The following ZBTB17 variants were observed in gnomAD, a reference collection of about 807,000 sequenced individuals.
ZBTB17 encodes the protein zinc finger and BTB domain-containing protein 17.
ZBTB17 carries 24 observed loss-of-function variants against 85.1 expected under a neutral mutation model. The ratio of observed to expected loss-of-function variants is 0.28; its 90% CI spans 0.20 to 0.40. The LOEUF is 0.40. ZBTB17 is among the 10% of genes least tolerant of loss of function. The probability of loss-of-function intolerance (pLI) is 1.00; values close to 1 mark genes in which losing one functional copy is unlikely to be tolerated. For synonymous variants in ZBTB17, 464 were observed against 460.2 expected (o/e 1.01, Z -0.11); for missense variants, 743 against 1,105.1 (o/e 0.67, Z 4.65).
chr1:15,946,095 G>T (rs981274393), intron 5 of ZBTB17, 59 bp downstream of exon 5: 17 of 1,599,630 alleles, frequency 1.1e-5, no homozygotes, highest in Non-Finnish European at 1.4e-5. Flanking sequence ...TCACTACCCT[G>T]TGCCCAGGCT....
chr1:15,975,956 C>T lies in ZBTB17; in HGVS notation c.-90+27G>A, dbSNP rs1265325806. On this transcript the variant is annotated intron_variant, in intron 1 of 15. Coordinates refer to ENST00000375743, the MANE Select transcript of ZBTB17 (RefSeq NM_003443.3). ...TCCGCCCCGGCTCCCGGGACTTCCC[C>T]GGCCCCGGGCGATTGTTGACACTCA... 21 of 699,174 alleles carry T rather than the reference C, an allele frequency of 3.0e-5. No homozygotes were observed. In the Admixed American group the frequency reaches 3.4e-4, roughly 11 times the overall value. The allele number at this position is 699,174 out of a possible 1,614,324, so 43.3% of individuals were successfully genotyped here. A position where few individuals can be genotyped will look rare whatever the true frequency, so the allele number is the denominator to read the frequency against.
chr1:15,953,656 C>G lies in ZBTB17; in HGVS notation c.-2-5159G>C, dbSNP rs991189355. 2.0e-5 allele frequency among the ~76,000 whole-genome samples: 3 copies of G among 152,238 alleles called. No individual in the cohort carries two copies. Among genetic ancestry groups the G allele is most frequent in the Non-Finnish European group, 4.4e-5 (3 of 68,048 alleles). ...GTTCCATACTGCTGCCTCCACGACG[C>G]AGGGATTCCAGTGGCGGCTGAGCCC... On this transcript the variant is annotated intron_variant, in intron 2 of 15. Coordinates refer to ENST00000375743, the MANE Select transcript of ZBTB17 (RefSeq NM_003443.3). The surrounding 1 kb of genome is among the most constrained non-coding windows in gnomAD (Gnocchi z 5.1).
rs770054368 is a variant in ZBTB17, at chr1:15,944,546, G to A, written c.1125C>T (p.Ser375=). 6 of 1,596,710 alleles carry A rather than the reference G, an allele frequency of 3.8e-6. No homozygotes were observed. In the East Asian group the frequency reaches 9.0e-5, roughly 24 times the overall value. ...GCCGCTTCTTGTGCAGGTTCAGCAG[G>A]CTGATGAGGCGGTAGCTCTTCCCGC... ...EECGKSYRLI[S]LLNLHKKRHS... Residue 375 remains serine, a synonymous_variant, in exon 9 of 16, where the codon AGC becomes AGT. Transcript: ENST00000375743.
chr1:15,975,291 A>G (rs1557803294), intron 1 of ZBTB17, among the ~76,000 whole-genome samples: 1 of 152,190 alleles, frequency 6.6e-6, no homozygotes, highest in Middle Eastern at 3.2e-3. Flanking sequence ...ATCTCTGCTT[A>G]AAGGATGAAT....
chr1:15,963,758 A>G (rs1370657641), intron 2 of ZBTB17, among the ~76,000 whole-genome samples: 1 of 152,186 alleles, frequency 6.6e-6, no homozygotes, highest in African/African-American at 2.4e-5. Flanking sequence ...CAATGAAAGT[A>G]GTATATATAT....
rs1287924265 is a variant in ZBTB17, at chr1:15,945,028, T to G, written c.836A>C (p.Glu279Ala). 3.4e-5 allele frequency: 54 copies of G among 1,606,184 alleles called. No homozygotes were observed. The highest frequency in any genetic ancestry group is 4.6e-5 in the Non-Finnish European group (54 of 1,177,614). ...EESAGTDSGQ[E>A]LGSEARGLRS... is the part of the protein sequence containing the mutation. ...CAGGCCCCGGGCCTCGGAGCCGAGC[T>G]CCTGCCCCGAGTCTGTGCCCGCTGA... Residue 279 changes from glutamate (E) to alanine (A), a missense_variant, in exon 7 of 16, where the codon GAG (glutamate) becomes GCG (alanine). Glu to Ala is a moderately radical substitution (Grantham distance 107, BLOSUM62 -1). This residue lies in a region of ZBTB17 where 279 missense variants were observed against 269.9 expected (regional missense o/e 1.03). Transcript: ENST00000375743.
At position 15,975,990 on chromosome 1, in the gene ZBTB17, G is replaced by A. The variant is rs1376479488; in HGVS notation, c.-97C>T. 4.3e-6 allele frequency: 3 copies of A among 699,892 alleles called. No homozygotes were observed. The highest frequency in any genetic ancestry group is 7.8e-6 in the Non-Finnish European group (3 of 383,662). 43.4% of individuals were successfully genotyped at this position (699,892 alleles called of 1,614,324 possible). ...GCGATTGTTGACACTCACCTGCCATGTCCCGGACCCCACCGCAGAGGGAGG... is the reference window on the plus strand; with the variant it reads ...GCGATTGTTGACACTCACCTGCCATATCCCGGACCCCACCGCAGAGGGAGG... On this transcript the variant is annotated 5_prime_UTR_variant, in exon 1 of 16. Transcript: ENST00000375743.
chr1:15,948,403 G>A lies in ZBTB17; in HGVS notation c.93C>T (p.Asp31=), dbSNP rs367770809. The change falls in exon 3 of 16, where the codon GAC becomes GAT. Residue 31 remains aspartate, a synonymous_variant. Transcript: ENST00000375743. ...CTTTATGAGCCTTAAAGTGAACACC[G>A]TCCACCACAAAGGTGCAGTCACAGA... is the stretch of plus-strand genomic sequence containing the variant. The part of the protein sequence containing the change: ...GLLCDCTFVV[D]GVHFKAHKAV... 1.9e-5 allele frequency: 30 copies of A among 1,613,888 alleles called. No homozygotes were observed. The highest frequency in any genetic ancestry group is 1.6e-4 in the Middle Eastern group (1 of 6,084).
rs1274218827 is a variant in ZBTB17 at position 15,952,176 on chromosome 1, C to T, written c.-2-3679G>A. On this transcript the variant is annotated intron_variant, in intron 2 of 15. Transcript: ENST00000375743. This position sits in a 1 kb window ranked among gnomAD's most constrained non-coding sequence, Gnocchi z 4.3. ...CAGCCCAGAGTCCTCATTTTAGATG[C>T]AGACTGACCTGACCCCCACTCACAA... Among the ~76,000 whole-genome samples the T allele has an allele frequency of 2.6e-5, 4 of 152,194 alleles. No homozygotes were observed. Among genetic ancestry groups the T allele is most frequent in the African/African-American group, 9.7e-5 (4 of 41,448 alleles).
rs2071818199 is a variant in ZBTB17, at chr1:15,951,108, T to C, written c.-2-2611A>G. Among the ~76,000 whole-genome samples, 2 of 152,196 alleles carry C rather than the reference T, an allele frequency of 1.3e-5. No individual in the cohort carries two copies. The highest frequency in any genetic ancestry group is 4.1e-4 in the South Asian group (2 of 4,830). ...ATTTTCCACCGTGCTGACTGCACTT[T>C]TCCAATGCAAGATGCCCGCCCAGAA... On this transcript the variant is annotated intron_variant, in intron 2 of 15. Transcript: ENST00000375743. The surrounding 1 kb of genome is among the most constrained non-coding windows in gnomAD (Gnocchi z 4.1).
intron 2 of ZBTB17, among the ~76,000 whole-genome samples, chr1:15,955,781 C>A (rs182182094): frequency 1.2e-4 from 19 of 152,200 alleles, no homozygotes; most frequent in African/African-American, 4.3e-4. Context: ...TAGTGAGACC[C>A]CATGTCTACA....
rs2071397304 is a variant in ZBTB17, at chr1:15,942,352, C to T, written c.2107G>A (p.Val703Met). 4 of 1,613,850 alleles carry T rather than the reference C, an allele frequency of 2.5e-6. No homozygotes were observed. The highest frequency in any genetic ancestry group is 3.4e-6 in the Non-Finnish European group (4 of 1,180,048). ...EVLKAEISKA[V>M]KQVQEEDPNT... ...TCACCTTCTTCCTGCACTTGCTTCA[C>T]AGCTTTGCTGATCTCGGCCTTCAGG... The change falls in exon 15 of 16, where the codon GTG becomes ATG. Residue 703 changes from valine to methionine, a missense_variant. Physicochemically the swap from Val to Met is conservative, Grantham distance 21. Around this residue, in one of 4 missense-constraint regions of ZBTB17, gnomAD observed 321 missense variants for 615.7 expected, o/e 0.52. Coordinates refer to ENST00000375743, the MANE Select transcript of ZBTB17 (RefSeq NM_003443.3).
In ZBTB17 at chr1:15,942,187, G is replaced by A. The variant is rs1330721454; in HGVS notation, c.2194C>T (p.Leu732=). Residue 732 remains leucine, a synonymous_variant, in exon 16 of 16, where the codon CTG becomes TTG. Coordinates refer to ENST00000375743, the MANE Select transcript of ZBTB17 (RefSeq NM_003443.3). ...CGDKFLDANS[L]AQHVRIHTAQ... is the part of the protein sequence containing the mutation. ...GTGTGGATTCGCACATGCTGAGCCA[G>A]GCTGTTGGCATCCAGAAACTTGTCC... The A allele has an allele frequency of 6.2e-7, 1 of 1,613,708 alleles. No homozygotes were observed. Among genetic ancestry groups the A allele is most frequent in the African/African-American group, 1.3e-5 (1 of 74,956 alleles).
At position 15,973,961 on chromosome 1, in the gene ZBTB17, G is replaced by A. The variant is rs567785843; in HGVS notation, c.-89-836C>T. On this transcript the variant is annotated intron_variant, in intron 1 of 15. Transcript: ENST00000375743. The surrounding 1 kb of genome is among the most constrained non-coding windows in gnomAD (Gnocchi z 4.1). ...TCCCAGTACTTTGGGAGGCTGAGGC[G>A]GGAGGATCATTTGAGGCCAAGAGTT... Among the ~76,000 whole-genome samples the A allele has an allele frequency of 7.9e-5, 12 of 152,064 alleles. No homozygotes were observed. The highest frequency in any genetic ancestry group is 2.1e-4 in the South Asian group (1 of 4,808).
At chr1:15,943,217 T>G in intron 12 of ZBTB17, 23 bp from the exon 13 acceptor site, 1 of 1,614,070 alleles carries the variant, frequency 6.2e-7, no homozygotes, top group Non-Finnish European at 8.5e-7. Context: ...AGGAAGGGAC[T>G]CGCATGGAAC....
chr1:15,946,103 G>T (rs1033453336), intron 5 of ZBTB17, 51 bp downstream of exon 5: 2 of 1,600,518 alleles, frequency 1.2e-6, no homozygotes, highest in Non-Finnish European at 8.5e-7. Flanking sequence ...CTGTGCCCAG[G>T]CTGCTGGGAG....
At chr1:15,943,238 TG>T in intron 12 of ZBTB17, 44 bp from the exon 13 acceptor site, 1 of 1,613,498 alleles carries the variant, frequency 6.2e-7, no homozygotes, top group Non-Finnish European at 8.5e-7. Context: ...TGCCCCAACC[TG>T]GGCCTCCTGC....
Position 15,947,000 on chromosome 1 carries a change from G to A in ZBTB17, c.329C>T (p.Ala110Val). 6.2e-7 allele frequency: 1 copy of A among 1,614,086 alleles called. No homozygotes were observed. The highest frequency in any genetic ancestry group is 1.1e-5 in the South Asian group (1 of 91,082). ...QMQDIITACH[A>V]LKSLAEPATS... is the part of the protein sequence containing the mutation. ...AGCCGGCTCAGCAAGTGACTTGAGG[G>A]CATGGCAGGCCGTGATGATGTCCTG... is the stretch of plus-strand genomic sequence containing the variant. Residue 110 changes from alanine (A) to valine (V), a missense_variant, in exon 4 of 16, where the codon GCC becomes GTC. Ala to Val is a moderately conservative substitution (Grantham distance 64). Transcript: ENST00000375743.
intron 2 of ZBTB17, among the ~76,000 whole-genome samples, chr1:15,960,124 C>G (rs775382869): frequency 6.6e-6 from 1 of 152,220 alleles, no homozygotes; most frequent in Non-Finnish European, 1.5e-5. Flanking sequence ...CAATTCAACA[C>G]GCAACTGTGG....
Sources: gnomAD v4.1 joint callset for allele counts (sites outside exome capture counted in the v4.1 genomes callset) on GRCh38, gnomAD v4.1.1 for gene constraint, gnomAD v4.1.1 regional missense constraint, Gnocchi (gnomAD v3.1) non-coding constraint, MANE v1.5 for transcripts, NCBI Gene and HGNC (gene_info 2026-07-23, HGNC 2026-07-21) for gene names.